Variants in NCKAP5 observed in about 807,000 individuals in gnomAD.
NCKAP5 encodes the protein NCK associated protein 5.
NCKAP5 carries 92 observed loss-of-function variants against 167.0 expected under a neutral mutation model. The ratio of observed to expected loss-of-function variants is 0.55; its 90% CI spans 0.47 to 0.66. The LOEUF (loss-of-function observed/expected upper bound fraction) is 0.66. NCKAP5 is among the 30% of genes least tolerant of loss of function. NCKAP5 has a pLI of 0.00. For synonymous variants in NCKAP5, 891 were observed against 877.4 expected (o/e 1.02, Z -0.27); for missense variants, 2,378 against 2,315.0 (o/e 1.03, Z -0.56).
intron 19 of NCKAP5, among the ~76,000 whole-genome samples, chr2:132,695,283 GA>G (rs1217500251): frequency 3.3e-5 from 5 of 149,880 alleles, no homozygotes; most frequent in African/African-American, 1.2e-4. Context: ...TCTCTAAACG[GA>G]AAAAAAAAGT....
chr2:132,692,986 G>T (rs982822994), intron 19 of NCKAP5, among the ~76,000 whole-genome samples: 23 of 152,196 alleles, frequency 1.5e-4, no homozygotes, highest in African/African-American at 4.6e-4. Flanking sequence ...GCTAGAAAAA[G>T]ATATCTGAGA....
Position 133,327,016 on chromosome 2 carries a change from C to T in NCKAP5, c.70-23906G>A, listed in dbSNP as rs112277070. ...AATGTAGACCTCAGTGTTTCCTAACCGTACTGATCATAAGTTCTGTTGGGG... is the reference window on the plus strand; with the variant it reads ...AATGTAGACCTCAGTGTTTCCTAACTGTACTGATCATAAGTTCTGTTGGGG... On this transcript the variant is annotated intron_variant, in intron 3 of 19. Transcript: ENST00000409261. 9.7e-3 allele frequency among the ~76,000 whole-genome samples: 1,481 copies of T among 152,288 alleles called. 18 individuals are homozygous for T. The highest frequency in any genetic ancestry group is 0.034 in the African/African-American group (1,392 of 41,536).
intron 5 of NCKAP5, among the ~76,000 whole-genome samples, chr2:133,147,501 T>G (rs1341101644): frequency 6.6e-6 from 1 of 152,160 alleles, no homozygotes; most frequent in Non-Finnish European, 1.5e-5. Context: ...AGGTATAAAA[T>G]TGGAGTCACT....
intron 3 of NCKAP5, among the ~76,000 whole-genome samples, chr2:133,354,684 T>C (rs1684590991): frequency 6.6e-6 from 1 of 152,220 alleles, no homozygotes; most frequent in Non-Finnish European, 1.5e-5. Flanking sequence ...TGAGGATAGG[T>C]AAAATATATT....
intron 3 of NCKAP5, among the ~76,000 whole-genome samples, chr2:133,315,670 GA>G (rs1045604821): frequency 6.6e-6 from 1 of 151,832 alleles, no homozygotes; most frequent in Non-Finnish European, 1.5e-5. Context: ...GCCAGTGAGG[GA>G]GGAACAGGAG....
At chr2:132,749,408 T>G (rs1336935313) in intron 16 of NCKAP5, among the ~76,000 whole-genome samples, 1 of 152,174 alleles carries the variant, frequency 6.6e-6, no homozygotes, top group Admixed American at 6.5e-5. Flanking sequence ...TTTGTCATAT[T>G]GCCCAGGCTG....
chr2:133,568,153 A>T (rs939645724), intron 1 of NCKAP5, 63 bp downstream of exon 1: 1 of 152,176 alleles, frequency 6.6e-6, no homozygotes, highest in Non-Finnish European at 1.5e-5. Flanking sequence ...TAGAAGGAAA[A>T]CAAGCTGTAT....
chr2:132,970,519 AT>A (rs1250194377), intron 7 of NCKAP5, among the ~76,000 whole-genome samples: 1 of 152,176 alleles, frequency 6.6e-6, no homozygotes, highest in African/African-American at 2.4e-5. Flanking sequence ...CACTCCCCAC[AT>A]ATTTCATATA....
At position 133,559,033 on chromosome 2, in the gene NCKAP5, G is replaced by A. The variant is rs191865931; in HGVS notation, c.-62+17C>T. On this transcript the variant is annotated intron_variant, in intron 2 of 19. Coordinates refer to ENST00000409261, the MANE Select transcript of NCKAP5 (RefSeq NM_207363.3). Reference sequence around the variant, plus strand: ...ATGTATTAATAGTATTATTAATAACGTATTAATACTACTTACATGTATTGT... The same window carrying A: ...ATGTATTAATAGTATTATTAATAACATATTAATACTACTTACATGTATTGT... 7.9e-5 allele frequency: 12 copies of A among 152,140 alleles called. No homozygotes were observed. The highest frequency in any genetic ancestry group is 4.2e-4 in the South Asian group (2 of 4,814). The allele number at this position is 152,140 out of a possible 1,614,324, so 9.4% of individuals were successfully genotyped here.
chr2:133,565,297 G>A lies in NCKAP5; in HGVS notation c.-130+2919C>T, dbSNP rs140032197. ...GAGGTCATGATTCAGTAAGTCTGGG[G>A]TGGGACGTGGGCATCAGCAAGATAA... On this transcript the variant is annotated intron_variant, in intron 1 of 19. Transcript: ENST00000409261. 4.8e-4 allele frequency among the ~76,000 whole-genome samples: 73 copies of A among 152,302 alleles called. 1 individual carries two copies. Among genetic ancestry groups the A allele is most frequent in the African/African-American group, 1.7e-3 (72 of 41,564 alleles).
At chr2:133,072,344 C>T (rs1412019118) in intron 6 of NCKAP5, among the ~76,000 whole-genome samples, 1 of 152,104 alleles carries the variant, frequency 6.6e-6, no homozygotes, top group Admixed American at 6.5e-5. Context: ...TCCTTTCCCT[C>T]TCTGCCCTCC....
At chr2:133,557,854 A>G (rs1320261587) in intron 2 of NCKAP5, among the ~76,000 whole-genome samples, 1 of 152,190 alleles carries the variant, frequency 6.6e-6, no homozygotes, top group Non-Finnish European at 1.5e-5. Context: ...CTGCCCTTGC[A>G]TGCAGCCCAG....
intron 3 of NCKAP5, among the ~76,000 whole-genome samples, chr2:133,325,443 T>G (rs1375066381): frequency 6.6e-6 from 1 of 152,216 alleles, no homozygotes; most frequent in Non-Finnish European, 1.5e-5. Context: ...AGGGACTTTG[T>G]GATGTTTCCT....
the NCKAP5 span, among the ~76,000 whole-genome samples, chr2:133,573,479 A>G: frequency 0.019 from 2,856 of 152,102 alleles, 106 homozygotes; most frequent in African/African-American, 0.065. Context: ...AGTTTCCCCT[A>G]TTTTGAGAAA....
chr2:133,592,073 C>G, the NCKAP5 span, among the ~76,000 whole-genome samples: 1 of 152,236 alleles, frequency 6.6e-6, no homozygotes, highest in South Asian at 2.1e-4. Context: ...CACACACACA[C>G]ACACACACAC....
intron 16 of NCKAP5, among the ~76,000 whole-genome samples, chr2:132,768,117 G>C (rs989464291): frequency 6.6e-6 from 1 of 152,158 alleles, no homozygotes; most frequent in Non-Finnish European, 1.5e-5. Flanking sequence ...TGGGAAGATC[G>C]TTGTTTTCAA....
intron 8 of NCKAP5, among the ~76,000 whole-genome samples, chr2:132,926,468 T>C (rs1227000083): frequency 1.3e-5 from 2 of 152,228 alleles, no homozygotes; most frequent in Non-Finnish European, 2.9e-5. Flanking sequence ...ATAGAGTCTG[T>C]AGTGACCTAC....
intron 5 of NCKAP5, among the ~76,000 whole-genome samples, chr2:133,161,045 C>A (rs1314901026): frequency 6.6e-6 from 1 of 152,116 alleles, no homozygotes. Context: ...CTGAGCTCTG[C>A]CTCCTGTCAG....
At chr2:133,016,109 G>C (rs1384673426) in intron 6 of NCKAP5, among the ~76,000 whole-genome samples, 2 of 152,050 alleles carry the variant, frequency 1.3e-5, no homozygotes. Context: ...AGAAGGAAGA[G>C]AGCAAATTTG....
Sources: gnomAD v4.1 joint callset for allele counts (sites outside exome capture counted in the v4.1 genomes callset) on GRCh38, gnomAD v4.1.1 for gene constraint, MANE v1.5 for transcripts, NCBI Gene and HGNC (gene_info 2026-07-23, HGNC 2026-07-21) for gene names.